RAP1GAP2: variants seen among roughly 807,000 people sequenced by gnomAD.
RAP1GAP2 encodes RAP1 GTPase activating protein 2, also known as rap1 GTPase-activating protein 2.
Under a neutral mutation model 95.0 loss-of-function variants are expected in RAP1GAP2, and 27 were observed. The ratio of observed to expected loss-of-function variants is 0.28; its 90% CI spans 0.21 to 0.39. The LOEUF (loss-of-function observed/expected upper bound fraction) is 0.39, where lower values mean the gene tolerates loss of function less well. Ranked by LOEUF, RAP1GAP2 falls within the 10% of genes least tolerant of loss-of-function variation. RAP1GAP2 has a pLI of 1.00. For synonymous variants in RAP1GAP2, 373 were observed against 380.9 expected, an observed-to-expected ratio of 0.98 and a Z score of 0.24; for missense variants, 771 against 970.0, an observed-to-expected ratio of 0.79 and a Z score of 2.72.
At chr17:2,776,554 GC>G (rs1277033384), upstream of RAP1GAP2, among the ~76,000 whole-genome samples, 1 of 152,000 alleles carries the variant, frequency 6.6e-6, no homozygotes, top group Non-Finnish European at 1.5e-5. Context: ...CCGCCCCTCC[GC>G]CCCCTCTCCG....
rs114767186 is a variant in RAP1GAP2, at chr17:2,926,577, G to A, written c.165+21209G>A. Among the ~76,000 whole-genome samples, 1,148 of 152,120 alleles carry A rather than the reference G, an allele frequency of 7.5e-3. 9 individuals carry two copies. The highest frequency in any genetic ancestry group is 0.025 in the African/African-American group (1,038 of 41,472). ...AAGCCAGCTTGTACTTGAACCTGTC[G>A]GGAGGTTTCTATTAGTTTCTTATGG... On this transcript the variant is annotated intron_variant, in intron 3 of 24. Coordinates refer to ENST00000254695, the MANE Select transcript of RAP1GAP2 (RefSeq NM_015085.5).
chr17:3,026,255 G>C, intron 20 of RAP1GAP2, 95 bp from the exon 21 acceptor site: 1 of 1,314,084 alleles, frequency 7.6e-7, no homozygotes, highest in Non-Finnish European at 1.1e-6. Flanking sequence ...CGACGGGTGG[G>C]GGCGTGGGGA....
intron 3 of RAP1GAP2, among the ~76,000 whole-genome samples, chr17:2,919,947 C>G (rs182285676): frequency 6.6e-6 from 1 of 151,858 alleles, no homozygotes; most frequent in Admixed American, 6.6e-5. Context: ...GTGATCCGCC[C>G]GCCTCGGCCT....
chr17:2,941,260 G>A (rs1336964293), intron 3 of RAP1GAP2, among the ~76,000 whole-genome samples: 1 of 152,050 alleles, frequency 6.6e-6, no homozygotes, highest in East Asian at 1.9e-4. Flanking sequence ...AAATTAGCTG[G>A]GCATGGTGGC....
chr17:2,898,278 G>A (rs1464403414), intron 2 of RAP1GAP2, among the ~76,000 whole-genome samples: 1 of 152,188 alleles, frequency 6.6e-6, no homozygotes, highest in African/African-American at 2.4e-5. Context: ...TCCTCTCAGA[G>A]TATGTGCTGG....
chr17:3,006,580 C>A (rs2046345755), intron 16 of RAP1GAP2, among the ~76,000 whole-genome samples: 1 of 149,460 alleles, frequency 6.7e-6, no homozygotes, highest in Non-Finnish European at 1.5e-5. Context: ...ACTACAGGCG[C>A]CCGCCACCAC....
At chr17:2,886,886 C>A (rs2073522158) in intron 2 of RAP1GAP2, among the ~76,000 whole-genome samples, 1 of 152,196 alleles carries the variant, frequency 6.6e-6, no homozygotes, top group Non-Finnish European at 1.5e-5. Context: ...GTGCCACTTA[C>A]TTGCTGCAGG....
chr17:2,947,006 T>C (rs2043721340), intron 3 of RAP1GAP2, among the ~76,000 whole-genome samples: 2 of 152,124 alleles, frequency 1.3e-5, no homozygotes, highest in South Asian at 2.1e-4. Flanking sequence ...CCGCCCGCCT[T>C]GGCCTCCCAA....
intron 11 of RAP1GAP2, among the ~76,000 whole-genome samples, chr17:2,988,780 G>A (rs934930586): frequency 6.6e-6 from 1 of 152,156 alleles, no homozygotes; most frequent in African/African-American, 2.4e-5. Flanking sequence ...AGAAACTGCC[G>A]GCCGGGCGCA....
At chr17:2,813,108 G>C (rs1277178769) in intron 2 of RAP1GAP2, among the ~76,000 whole-genome samples, 1 of 148,434 alleles carries the variant, frequency 6.7e-6, no homozygotes, top group East Asian at 2.0e-4. Flanking sequence ...GTCTCGCCCT[G>C]TCGCCCAGGC....
intron 2 of RAP1GAP2, among the ~76,000 whole-genome samples, chr17:2,890,309 C>G (rs771155676): frequency 2.6e-5 from 4 of 152,140 alleles, no homozygotes; most frequent in African/African-American, 9.7e-5. Context: ...CAGATTTACC[C>G]TGAAATGCTG....
At chr17:2,823,337 A>G (rs377642444) in intron 2 of RAP1GAP2, among the ~76,000 whole-genome samples, 2 of 152,232 alleles carry the variant, frequency 1.3e-5, no homozygotes, top group African/African-American at 4.8e-5. Context: ...CTGGAACCCA[A>G]CCTTTGTCAG....
In RAP1GAP2 at chr17:2,812,106, G is replaced by A. The variant is rs1452831664; in HGVS notation, c.80+11556G>A. Among the ~76,000 whole-genome samples, 3 of 152,296 alleles carry A rather than the reference G, an allele frequency of 2.0e-5. No individual in the cohort carries two copies. The East Asian group carries it at 5.8e-4, about 29-fold the overall frequency. The stretch of plus-strand genomic sequence containing the variant: ...CAGCCTACCCTGCAGACCAGAGTCA[G>A]CCGGACCCTCTGCTCTGCTCACCTC... On this transcript the variant is annotated intron_variant, in intron 2 of 24. Coordinates refer to ENST00000254695, the MANE Select transcript of RAP1GAP2 (RefSeq NM_015085.5).
chr17:2,775,555 C>G (rs2068480866), upstream of RAP1GAP2, among the ~76,000 whole-genome samples: 1 of 152,148 alleles, frequency 6.6e-6, no homozygotes, highest in Non-Finnish European at 1.5e-5. Context: ...CAAGGCTGTT[C>G]TAGAAGCAGA....
chr17:2,763,890 G>C (rs184273241), intron 1 of RAP1GAP2, among the ~76,000 whole-genome samples: 2 of 152,062 alleles, frequency 1.3e-5, no homozygotes, highest in African/African-American at 4.8e-5. Flanking sequence ...TCCTGAGTGA[G>C]CCTGCTCTTC....
Position 3,036,580 on chromosome 17 carries a change from C to T in RAP1GAP2, c.*3219C>T, listed in dbSNP as rs931436273. The T allele has an allele frequency of 5.3e-5, 8 of 152,162 alleles. No homozygotes were observed. Among genetic ancestry groups the T allele is most frequent in the Admixed American group, 1.3e-4 (2 of 15,268 alleles). The allele number at this position is 152,162 out of a possible 1,614,324, so 9.4% of individuals were successfully genotyped here. On this transcript the variant is annotated 3_prime_UTR_variant, in exon 25 of 25. Coordinates refer to ENST00000254695, the MANE Select transcript of RAP1GAP2 (RefSeq NM_015085.5). ...TTGGATGCAGCTTGAACCAAGAAAA[C>T]GAGGAGGGAAAGGGATTCAGTGAAC...
At chr17:2,979,192 CAG>C (rs1211760104) in intron 8 of RAP1GAP2, among the ~76,000 whole-genome samples, 2 of 152,124 alleles carry the variant, frequency 1.3e-5, no homozygotes, top group Admixed American at 1.3e-4. Context: ...CTGAATGAAT[CAG>C]GGGATCAGGC....
At chr17:2,957,659 G>A (rs917795017) in intron 3 of RAP1GAP2, 100 bp from the exon 4 acceptor site, 58 of 1,331,130 alleles carry the variant, frequency 4.4e-5, no homozygotes, top group Non-Finnish European at 5.1e-5. Flanking sequence ...CCCTGGGGAA[G>A]CCCCAGGCTC....
intron 5 of RAP1GAP2, 67 bp downstream of exon 5, chr17:2,962,781 G>A: frequency 1.4e-6 from 2 of 1,428,716 alleles, no homozygotes; most frequent in South Asian, 2.6e-5. Flanking sequence ...AGGAAGGCAG[G>A]AGGGGCTGCC....
Sources: gnomAD v4.1 joint callset for allele counts (sites outside exome capture counted in the v4.1 genomes callset) on GRCh38, gnomAD v4.1.1 for gene constraint, MANE v1.5 for transcripts, NCBI Gene and HGNC (gene_info 2026-07-23, HGNC 2026-07-21) for gene names.